The following RABGAP1L variants were observed in gnomAD, a reference collection of about 807,000 sequenced individuals.
RABGAP1L encodes RAB GTPase activating protein 1 like.
A neutral mutation model predicts 137.7 loss-of-function variants in RABGAP1L; 63 were observed. The observed-to-expected ratio is 0.46, with a 90% confidence interval of 0.37 to 0.56. The LOEUF (loss-of-function observed/expected upper bound fraction) is 0.56, where lower values mean the gene tolerates loss of function less well. Among genes scored for constraint, RABGAP1L ranks in the 20% least tolerant of loss-of-function variants. The pLI is 0.00. For synonymous variants in RABGAP1L, 431 were observed against 433.7 expected, an observed-to-expected ratio of 0.99 and a Z score of 0.08; for missense variants, 1,095 against 1,244.0, an observed-to-expected ratio of 0.88 and a Z score of 1.80.
At chr1:174,335,935 A>C (rs751793827) in intron 11 of RABGAP1L, among the ~76,000 whole-genome samples, 21 of 152,180 alleles carry the variant, frequency 1.4e-4, no homozygotes, top group Non-Finnish European at 2.9e-4. Flanking sequence ...TGCCCAAGTA[A>C]TTTTAAGTGT....
intron 13 of RABGAP1L, among the ~76,000 whole-genome samples, chr1:174,485,877 C>T (rs79341107): frequency 0.065 from 9,948 of 152,142 alleles, 459 homozygotes; most frequent in Non-Finnish European, 0.093. Flanking sequence ...AGGATTCCTT[C>T]CTCCTTTATT....
At chr1:174,313,792 C>G (rs1482590982) in intron 11 of RABGAP1L, among the ~76,000 whole-genome samples, 2 of 152,022 alleles carry the variant, frequency 1.3e-5, no homozygotes, top group African/African-American at 4.8e-5. Context: ...TTCCTTCATT[C>G]TGTTGATACG....
Position 174,250,612 on chromosome 1 carries a change from C to A in RABGAP1L, c.855C>A (p.Asp285Glu). The change falls in exon 6 of 26, where the codon GAC (aspartate) becomes GAA (glutamate). Residue 285 changes from aspartate (D) to glutamate (E), a missense_variant. Physicochemically the swap from Asp to Glu is conservative, Grantham distance 45. This residue lies in a region of RABGAP1L where 112 missense variants were observed against 157.3 expected (regional missense o/e 0.71). Transcript: ENST00000681986. ...TFSVSLEVKE[D>E]DGKGNFSPVP... is the part of the protein sequence containing the mutation. ...GTGTCTCCTTGGAGGTAAAAGAAGACGATGGAAAAGGAAACTTTAGGTGAG... is the reference window on the plus strand; with the variant it reads ...GTGTCTCCTTGGAGGTAAAAGAAGAAGATGGAAAAGGAAACTTTAGGTGAG... 1 of 1,611,730 alleles carries A rather than the reference C, an allele frequency of 6.2e-7. No individual in the cohort carries two copies. Among genetic ancestry groups the A allele is most frequent in the Non-Finnish European group, 8.5e-7 (1 of 1,178,968 alleles).
intron 13 of RABGAP1L, among the ~76,000 whole-genome samples, chr1:174,394,505 A>C (rs1303296013): frequency 6.6e-6 from 1 of 152,208 alleles, no homozygotes; most frequent in Non-Finnish European, 1.5e-5. Flanking sequence ...ATAATTTTAC[A>C]ATAACATTAA....
intron 13 of RABGAP1L, among the ~76,000 whole-genome samples, chr1:174,604,927 T>G (rs1175863635): frequency 1.3e-5 from 2 of 152,164 alleles, no homozygotes; most frequent in Admixed American, 1.3e-4. Context: ...GCATATCACT[T>G]GAGGTCAGGA....
chr1:174,614,110 C>G (rs4262604), intron 13 of RABGAP1L, among the ~76,000 whole-genome samples: 55,098 of 151,240 alleles, frequency 0.36, 13,164 homozygotes, highest in African/African-American at 0.69. Flanking sequence ...ATGATGTTAG[C>G]TGGTGATTTT....
intron 13 of RABGAP1L, among the ~76,000 whole-genome samples, chr1:174,415,781 C>T (rs1650480135): frequency 6.6e-6 from 1 of 151,846 alleles, no homozygotes; most frequent in African/African-American, 2.4e-5. Context: ...ATCGATGTTA[C>T]TGTAGCTTTC....
At chr1:174,373,105 T>A (rs1208337637) in intron 12 of RABGAP1L, among the ~76,000 whole-genome samples, 1 of 152,234 alleles carries the variant, frequency 6.6e-6, no homozygotes, top group South Asian at 2.1e-4. Context: ...TATGTTTTTA[T>A]CTGTTTTATT....
At chr1:174,289,045 T>A (rs1480398767) in intron 10 of RABGAP1L, among the ~76,000 whole-genome samples, 1 of 152,180 alleles carries the variant, frequency 6.6e-6, no homozygotes, top group Non-Finnish European at 1.5e-5. Context: ...TTTATGATTT[T>A]TTGTAAAGAG....
In RABGAP1L at chr1:174,894,733, T is replaced by TG. The variant is rs1656841652; in HGVS notation, c.2341-62724_2341-62723insG. 4.5e-5 allele frequency among the ~76,000 whole-genome samples: 6 copies of TG among 132,812 alleles called. No individual in the cohort carries two copies. In the South Asian group the frequency reaches 1.3e-3, roughly 29 times the overall value. The allele number at this position is 132,812 out of a possible 152,430, so 87.1% of individuals were successfully genotyped here. A position where few individuals can be genotyped will look rare whatever the true frequency, so the allele number is the denominator to read the frequency against. On this transcript the variant is annotated intron_variant, in intron 19 of 25. Transcript: ENST00000681986. ...AGAACCAAGTTGGGTTTTTTGTTGT[T>TG]TTTGTTTGTTTGTTTTGTTTTGTTT...
intron 12 of RABGAP1L, among the ~76,000 whole-genome samples, chr1:174,373,670 C>T (rs973553191): frequency 2.0e-5 from 3 of 152,178 alleles, no homozygotes; most frequent in Non-Finnish European, 4.4e-5. Context: ...ACTTGTTAGC[C>T]TGGCTAGTAT....
chr1:174,914,034 TAGATA>T (rs1436335534), intron 19 of RABGAP1L, among the ~76,000 whole-genome samples: 1 of 152,242 alleles, frequency 6.6e-6, no homozygotes, highest in African/African-American at 2.4e-5. Context: ...TTTCTGCAAT[TAGATA>T]AGAACATTTT....
At chr1:174,635,787 C>G (rs1673965828) in intron 13 of RABGAP1L, among the ~76,000 whole-genome samples, 1 of 152,072 alleles carries the variant, frequency 6.6e-6, no homozygotes, top group Non-Finnish European at 1.5e-5. Context: ...GATCTAATTA[C>G]CACCCAGCAT....
At chr1:174,772,567 CAAA>C (rs60690186) in intron 18 of RABGAP1L, among the ~76,000 whole-genome samples, 386 of 53,054 alleles carry the variant, frequency 7.3e-3, no homozygotes, top group Middle Eastern at 0.027. Flanking sequence ...GACTCCATCT[CAAA>C]AAAAAAAAAA....
chr1:174,907,073 G>C (rs903890614), intron 19 of RABGAP1L, among the ~76,000 whole-genome samples: 2 of 145,388 alleles, frequency 1.4e-5, no homozygotes, highest in Non-Finnish European at 3.1e-5. Flanking sequence ...AGCACTAATG[G>C]GTTAAAAAAA....
At chr1:174,370,368 C>T (rs1330019621) in intron 11 of RABGAP1L, among the ~76,000 whole-genome samples, 1 of 151,472 alleles carries the variant, frequency 6.6e-6, no homozygotes, top group Non-Finnish European at 1.5e-5. Flanking sequence ...TAAATCAACC[C>T]ATATTGTTTC....
chr1:174,474,049 T>C lies in RABGAP1L; in HGVS notation c.1710+79904T>C, dbSNP rs114939667. Among the ~76,000 whole-genome samples, 1,377 of 152,324 alleles carry C rather than the reference T, an allele frequency of 9.0e-3. 26 individuals are homozygous for C. Among genetic ancestry groups the C allele is most frequent in the African/African-American group, 0.032 (1,328 of 41,566 alleles). Reference sequence around the variant, plus strand: ...TTGTTTTATACATAAATGTTTGTGTTGTCTCCCTCAGAGTCCCTAACCTCA... The same window carrying C: ...TTGTTTTATACATAAATGTTTGTGTCGTCTCCCTCAGAGTCCCTAACCTCA... On this transcript the variant is annotated intron_variant, in intron 13 of 25. Transcript: ENST00000681986.
rs918309014 is a variant in RABGAP1L at position 174,411,204 on chromosome 1, T to C, written c.1710+17059T>C. Among the ~76,000 whole-genome samples, 6 of 152,278 alleles carry C rather than the reference T, an allele frequency of 3.9e-5. No individual in the cohort carries two copies. In the East Asian group the frequency reaches 1.2e-3, roughly 29 times the overall value. On this transcript the variant is annotated intron_variant, in intron 13 of 25. Transcript: ENST00000681986. ...AGTGAAGAGAGATCATTTGACTTCT[T>C]CTTTTCCAATTTGGATGCCTTTCTT... is the stretch of plus-strand genomic sequence containing the variant.
chr1:174,446,889 G>C (rs1286853279), intron 13 of RABGAP1L, among the ~76,000 whole-genome samples: 1 of 152,164 alleles, frequency 6.6e-6, no homozygotes, highest in Non-Finnish European at 1.5e-5. Context: ...AAGCCTATTA[G>C]AAATACCTAA....
Sources: gnomAD v4.1 joint callset for allele counts (sites outside exome capture counted in the v4.1 genomes callset) on GRCh38, gnomAD v4.1.1 for gene constraint, gnomAD v4.1.1 regional missense constraint, MANE v1.5 for transcripts, NCBI Gene and HGNC (gene_info 2026-07-23, HGNC 2026-07-21) for gene names.